Variants in RBM47 observed in about 807,000 individuals in gnomAD.
RBM47 encodes RNA-binding protein 47.
RBM47 carries 21 observed loss-of-function variants against 47.1 expected under a neutral mutation model. The ratio of observed to expected loss-of-function variants is 0.45; its 90% CI spans 0.32 to 0.64. RBM47 has a LOEUF of 0.64. RBM47 is among the 30% of genes least tolerant of loss of function. The pLI, the probability that RBM47 is intolerant of heterozygous loss-of-function variation, is 0.05. For synonymous variants in RBM47, 375 were observed against 361.7 expected, an observed-to-expected ratio of 1.04 and a Z score of -0.42; for missense variants, 708 against 870.9, an observed-to-expected ratio of 0.81 and a Z score of 2.35.
At chr4:40,585,640 T>C (rs908722288) in intron 1 of RBM47, among the ~76,000 whole-genome samples, 1 of 152,166 alleles carries the variant, frequency 6.6e-6, no homozygotes, top group African/African-American at 2.4e-5. Flanking sequence ...TTAGCACCCA[T>C]ACTTCACAAC....
chr4:40,589,488 G>C (rs980059616), intron 1 of RBM47, among the ~76,000 whole-genome samples: 3 of 151,974 alleles, frequency 2.0e-5, no homozygotes, highest in Non-Finnish European at 2.9e-5. Context: ...CCATGCTGGA[G>C]TGCAGTGGCA....
Position 40,561,973 on chromosome 4 carries a change from A to G in RBM47, c.-239-17467T>C, listed in dbSNP as rs1730680624. Among the ~76,000 whole-genome samples the G allele has an allele frequency of 2.6e-5, 4 of 152,282 alleles. No individual in the cohort carries two copies. The South Asian group carries it at 8.3e-4, about 32-fold the overall frequency. On this transcript the variant is annotated intron_variant, in intron 1 of 6. Transcript: ENST00000295971. ...AGGTCCACAATGCAAGGTCCCCTCA[A>G]TGACTCAATGACTTGAAACCTGTTT...
At chr4:40,507,554 C>T (rs753111843) in intron 2 of RBM47, among the ~76,000 whole-genome samples, 21 of 152,050 alleles carry the variant, frequency 1.4e-4, no homozygotes, top group African/African-American at 1.9e-4. Flanking sequence ...TTTGGGAGGC[C>T]GAGGCGGATG....
intron 2 of RBM47, among the ~76,000 whole-genome samples, chr4:40,522,260 T>G (rs1726266971): frequency 6.6e-6 from 1 of 152,184 alleles, no homozygotes; most frequent in Non-Finnish European, 1.5e-5. Flanking sequence ...ATCCTAGAGC[T>G]TTGGGAGGCC....
chr4:40,627,951 A>G (rs953374833), intron 1 of RBM47, among the ~76,000 whole-genome samples: 1 of 152,242 alleles, frequency 6.6e-6, no homozygotes, highest in Non-Finnish European at 1.5e-5. Flanking sequence ...GTAAACGCAA[A>G]AACCAAGAGG....
intron 2 of RBM47, among the ~76,000 whole-genome samples, chr4:40,535,538 A>T (rs1727880776): frequency 7.1e-6 from 1 of 141,150 alleles, no homozygotes; most frequent in Non-Finnish European, 1.5e-5. Flanking sequence ...CGTCTGGCTA[A>T]TTTTTGTATT....
chr4:40,544,913 A>AT (rs1560459262), intron 1 of RBM47, among the ~76,000 whole-genome samples: 1 of 152,094 alleles, frequency 6.6e-6, no homozygotes, highest in East Asian at 1.9e-4. Context: ...TCTACAAAAA[A>AT]ATTTAAAATT....
intron 2 of RBM47, among the ~76,000 whole-genome samples, chr4:40,479,712 A>C (rs1720114067): frequency 6.6e-6 from 1 of 152,108 alleles, no homozygotes; most frequent in South Asian, 2.1e-4. Context: ...TATGTTGCTC[A>C]GGCTGGTCTA....
chr4:40,541,337 A>G (rs1009853592), intron 2 of RBM47, among the ~76,000 whole-genome samples: 2 of 152,040 alleles, frequency 1.3e-5, no homozygotes, highest in Non-Finnish European at 2.9e-5. Flanking sequence ...GGCCAGTTCC[A>G]TGGAATTAGG....
chr4:40,431,687 A>C (rs12186187), intron 6 of RBM47, among the ~76,000 whole-genome samples: 130,916 of 148,064 alleles, frequency 0.88, 57,956 homozygotes, highest in East Asian at 0.96. Flanking sequence ...GAGAAAATTT[A>C]TCTAGGAGGT....
intron 3 of RBM47, among the ~76,000 whole-genome samples, chr4:40,441,273 C>CG (rs1212436643): frequency 1.4e-5 from 1 of 69,314 alleles, no homozygotes; most frequent in Admixed American, 1.9e-4. Context: ...AAAAAAGGAA[C>CG]CAAAAAAAAA....
At chr4:40,548,389 C>A (rs1420129542) in intron 1 of RBM47, among the ~76,000 whole-genome samples, 1 of 152,188 alleles carries the variant, frequency 6.6e-6, no homozygotes, top group African/African-American at 2.4e-5. Flanking sequence ...ACCAGGAGCC[C>A]ACATTTGATT....
intron 2 of RBM47, among the ~76,000 whole-genome samples, chr4:40,472,811 G>A (rs1719100228): frequency 6.6e-6 from 1 of 151,792 alleles, no homozygotes; most frequent in Non-Finnish European, 1.5e-5. Flanking sequence ...GAATAAAGGA[G>A]CTCTCAAAGG....
At chr4:40,601,808 G>T (rs184483421) in intron 1 of RBM47, among the ~76,000 whole-genome samples, 21 of 152,304 alleles carry the variant, frequency 1.4e-4, no homozygotes, top group Non-Finnish European at 1.5e-4. Context: ...GTGGTGAAAA[G>T]AACAGGCCTT....
At chr4:40,498,670 CAAAAAAAAAA>C (rs910303039) in intron 2 of RBM47, among the ~76,000 whole-genome samples, 10 of 62,580 alleles carry the variant, frequency 1.6e-4, no homozygotes, top group Non-Finnish European at 3.4e-5. Flanking sequence ...GACTCCATCT[CAAAAAAAAAA>C]AAAAAAAAAA....
intron 2 of RBM47, among the ~76,000 whole-genome samples, chr4:40,524,516 A>C (rs1204063675): frequency 6.6e-6 from 1 of 152,252 alleles, no homozygotes; most frequent in Non-Finnish European, 1.5e-5. Context: ...CTATCACAGC[A>C]ACCGTGAAAA....
chr4:40,608,211 T>A (rs991260592), intron 1 of RBM47, among the ~76,000 whole-genome samples: 2 of 152,156 alleles, frequency 1.3e-5, no homozygotes, highest in African/African-American at 4.8e-5. Context: ...TCCCCAACTG[T>A]CCCTCCTGTG....
At chr4:40,571,713 G>T (rs983006480) in intron 1 of RBM47, among the ~76,000 whole-genome samples, 1 of 151,930 alleles carries the variant, frequency 6.6e-6, no homozygotes, top group Admixed American at 6.6e-5. Context: ...CCAAATCTGA[G>T]AAATCACCAC....
intron 1 of RBM47, among the ~76,000 whole-genome samples, chr4:40,547,974 T>C (rs1449457137): frequency 6.6e-6 from 1 of 152,208 alleles, no homozygotes; most frequent in Non-Finnish European, 1.5e-5. Context: ...ACAGTGTGGA[T>C]AGTGAGTCCA....
Sources: allele counts gnomAD v4.1 joint callset (sites outside exome capture counted in the v4.1 genomes callset), GRCh38; gene constraint gnomAD v4.1.1; transcripts MANE v1.5; gene names NCBI Gene and HGNC (gene_info 2026-07-23, HGNC 2026-07-21).